COL28A1: variants seen among roughly 807,000 people sequenced by gnomAD.
COL28A1 encodes the protein collagen type XXVIII alpha 1 chain.
Under a neutral mutation model 150.2 loss-of-function variants are expected in COL28A1, and 161 were observed. That is an observed-to-expected ratio of 1.07 (90% confidence interval 0.94 to 1.22). COL28A1 has a LOEUF of 1.22. Ranked by LOEUF, COL28A1 falls within the 50% of genes most tolerant of loss-of-function variation. COL28A1 has a pLI of 0.00. For missense variants in COL28A1, 1,617 were observed against 1,388.3 expected (o/e 1.16, Z -2.62); for synonymous variants, 552 against 469.7 (o/e 1.18, Z -2.26).
chr7:7,504,859 C>T (rs1036187303), intron 11 of COL28A1, among the ~76,000 whole-genome samples: 2 of 152,190 alleles, frequency 1.3e-5, no homozygotes, highest in Admixed American at 1.3e-4. Flanking sequence ...TGAAAATTGT[C>T]ATCTTAGGTA....
At chr7:7,349,181 T>C in the COL28A1 span, among the ~76,000 whole-genome samples, 41 of 152,314 alleles carry the variant, frequency 2.7e-4, no homozygotes, top group South Asian at 8.1e-3. Context: ...TTTCCAAATA[T>C]ATTGTTTATA....
chr7:7,436,463 C>T lies in COL28A1; in HGVS notation c.1792G>A (p.Gly598Arg). Residue 598 changes from glycine to arginine, a missense_variant and splice_region_variant, in exon 23 of 35, where the codon GGA becomes AGA. Transcript: ENST00000399429. ...TSIPGPPGPK[G>R]DRGGPGIPGF... ...GGTATCCCAGGTCCTCCTCTATCTC[C>T]CTGTACATTTCAAATAACATTTCAC... 2.3e-6 allele frequency: 3 copies of T among 1,309,842 alleles called. No individual in the cohort carries two copies. Among genetic ancestry groups the T allele is most frequent in the Non-Finnish European group, 2.2e-6 (2 of 902,154 alleles). The allele number at this position is 1,309,842 out of a possible 1,614,324, so 81.1% of individuals were successfully genotyped here.
rs532136263 is a variant in COL28A1 at position 7,493,153 on chromosome 7, C to T, written c.1027-2507G>A. ...AAATACAATAATAACAATACAAGGC[C>T]CTAAATTCACTTATTCTATTCATTT... On this transcript the variant is annotated intron_variant, in intron 11 of 34. Coordinates refer to ENST00000399429, the MANE Select transcript of COL28A1 (RefSeq NM_001037763.3). Among the ~76,000 whole-genome samples, 22 of 151,062 alleles carry T rather than the reference C, an allele frequency of 1.5e-4. 1 individual carries two copies. The South Asian group carries it at 4.6e-3, about 32-fold the overall frequency.
At chr7:7,511,281 T>C (rs17461474) in intron 8 of COL28A1, 146 bp from the exon 9 acceptor site, 1 of 614,314 alleles carries the variant, frequency 1.6e-6, no homozygotes, top group South Asian at 2.0e-5. Flanking sequence ...GCCTCAATAC[T>C]GTGGGTTTTA....
intron 18 of COL28A1, among the ~76,000 whole-genome samples, chr7:7,451,985 G>C (rs2128329556): frequency 6.6e-6 from 1 of 152,256 alleles, no homozygotes; most frequent in East Asian, 1.9e-4. Flanking sequence ...AAACTGTGAA[G>C]GGTAAACTAA....
the COL28A1 span, among the ~76,000 whole-genome samples, chr7:7,542,882 A>G: frequency 6.6e-6 from 1 of 152,170 alleles, no homozygotes; most frequent in African/African-American, 2.4e-5. Context: ...AGTCTAAGAA[A>G]TATTAAGAAG....
chr7:7,476,218 G>A (rs949734171), intron 14 of COL28A1, among the ~76,000 whole-genome samples: 1 of 152,054 alleles, frequency 6.6e-6, no homozygotes. Context: ...GTGTTTTTTG[G>A]GGAGACTTTG....
chr7:7,484,473 A>G (rs1315979726), intron 13 of COL28A1, among the ~76,000 whole-genome samples: 2 of 152,198 alleles, frequency 1.3e-5, no homozygotes, highest in Non-Finnish European at 2.9e-5. Context: ...AAATTTAGGA[A>G]GCTATGTCAA....
In COL28A1 at chr7:7,453,497, A is replaced by ACCTTGGATT; in HGVS notation, c.1374_1382dup (p.Ile459_Gly461dup). ...CTTGTGGACCAGGTGGACCAATAGGACCTTGGATTCCCTTTAAAATAAAAT... is the reference window on the plus strand; with the variant it reads ...CTTGTGGACCAGGTGGACCAATAGGACCTTGGATTCCTTGGATTCCCTTTAAAATAAAAT... On this transcript the variant is annotated inframe_insertion, in exon 17 of 35. Coordinates refer to ENST00000399429, the MANE Select transcript of COL28A1 (RefSeq NM_001037763.3). The ACCTTGGATT allele has an allele frequency of 8.9e-7, 1 of 1,127,722 alleles. No homozygotes were observed. Among genetic ancestry groups the ACCTTGGATT allele is most frequent in the South Asian group, 1.3e-5 (1 of 78,412 alleles). 69.9% of individuals were successfully genotyped at this position (1,127,722 alleles called of 1,614,324 possible).
chr7:7,464,752 A>G (rs887472292), intron 15 of COL28A1, among the ~76,000 whole-genome samples: 22 of 152,364 alleles, frequency 1.4e-4, no homozygotes, highest in Admixed American at 4.6e-4. Flanking sequence ...CACCTCAAGG[A>G]ACTAGAGAAA....
intron 5 of COL28A1, among the ~76,000 whole-genome samples, chr7:7,520,681 G>A (rs995552003): frequency 2.0e-5 from 3 of 152,054 alleles, no homozygotes; most frequent in Non-Finnish European, 4.4e-5. Context: ...TGGTGTTGGG[G>A]GTACTCGATA....
chr7:7,543,344 T>C, the COL28A1 span, among the ~76,000 whole-genome samples: 2 of 152,256 alleles, frequency 1.3e-5, no homozygotes, highest in African/African-American at 4.8e-5. Context: ...AGCAACTTTG[T>C]AGCTGAATAA....
chr7:7,478,898 G>A (rs547493411), intron 13 of COL28A1, among the ~76,000 whole-genome samples: 4 of 152,230 alleles, frequency 2.6e-5, no homozygotes, highest in Non-Finnish European at 4.4e-5. Context: ...GCGCCAGGCA[G>A]CCCTGGTTCC....
intron 20 of COL28A1, 90 bp downstream of exon 20, chr7:7,443,495 T>C (rs1413733552): frequency 6.4e-6 from 10 of 1,567,018 alleles, no homozygotes; most frequent in African/African-American, 2.7e-5. Context: ...ATTGACATAG[T>C]AAGAATAACA....
intron 27 of COL28A1, among the ~76,000 whole-genome samples, chr7:7,391,599 T>A (rs998008107): frequency 2.6e-5 from 4 of 152,162 alleles, no homozygotes; most frequent in African/African-American, 9.7e-5. Flanking sequence ...CCACTATTAT[T>A]GTGTGGGAAT....
At chr7:7,516,205 A>C (rs1381726100) in intron 7 of COL28A1, among the ~76,000 whole-genome samples, 2 of 152,254 alleles carry the variant, frequency 1.3e-5, no homozygotes, top group African/African-American at 4.8e-5. Context: ...TAAACTATGA[A>C]CTATTGCAGC....
intron 6 of COL28A1, among the ~76,000 whole-genome samples, chr7:7,519,511 T>G (rs562839960): frequency 6.6e-6 from 1 of 152,352 alleles, no homozygotes; most frequent in African/African-American, 2.4e-5. Context: ...TTACTGCTGT[T>G]GTTCTTGAAC....
intron 27 of COL28A1, among the ~76,000 whole-genome samples, chr7:7,398,946 G>A (rs1365023057): frequency 6.6e-6 from 1 of 152,134 alleles, no homozygotes; most frequent in Non-Finnish European, 1.5e-5. Flanking sequence ...GTTTCTGCCA[G>A]GGTCCCTTAC....
rs1780459995 is a variant in COL28A1, at chr7:7,358,662, C to G, written c.3349G>C (p.Glu1117Gln). 2 of 1,613,866 alleles carry G rather than the reference C, an allele frequency of 1.2e-6. No homozygotes were observed. The highest frequency in any genetic ancestry group is 1.7e-6 in the Non-Finnish European group (2 of 1,179,944). Residue 1117 changes from glutamate (E) to glutamine (Q), a missense_variant, in exon 35 of 35, where the codon GAA becomes CAA. Glu to Gln is a conservative substitution (Grantham distance 29). Transcript: ENST00000399429. ...CCTTGAATGCAGGTTTCTTGACATT[C>G]CTTTTCACTGTTGAATCTATTTCCT... Reference protein sequence around the residue: ...GSGNRFNSEKECQETCIQG With the variant: ...GSGNRFNSEKQCQETCIQG
Sources: allele counts gnomAD v4.1 joint callset (sites outside exome capture counted in the v4.1 genomes callset), GRCh38; gene constraint gnomAD v4.1.1; transcripts MANE v1.5; gene names NCBI Gene and HGNC (gene_info 2026-07-23, HGNC 2026-07-21).